Variants in SLC9A7 observed in about 807,000 individuals in gnomAD.
SLC9A7 encodes sodium/hydrogen exchanger 7.
Under a neutral mutation model 52.6 loss-of-function variants are expected in SLC9A7, and 19 were observed. The ratio of observed to expected loss-of-function variants is 0.36; its 90% CI spans 0.25 to 0.53. The LOEUF (loss-of-function observed/expected upper bound fraction) is 0.53, where lower values mean the gene tolerates loss of function less well. SLC9A7 is among the 20% of genes least tolerant of loss of function. SLC9A7 has a pLI of 0.91. For missense variants in SLC9A7, 455 were observed against 597.9 expected (o/e 0.76, Z 2.49); for synonymous variants, 226 against 252.1 (o/e 0.90, Z 0.98).
intron 1 of SLC9A7, 130 bp from the exon 2 acceptor site, chrX:46,682,665 T>C: frequency 1.7e-6 from 1 of 575,538 alleles, no homozygotes; most frequent in Non-Finnish European, 2.8e-6. Flanking sequence ...GGGTATGTAT[T>C]TTAGGAGAAA....
intron 11 of SLC9A7, among the ~76,000 whole-genome samples, chrX:46,645,775 C>T (rs1330957486): frequency 1.8e-5 from 2 of 111,027 alleles, no homozygotes; most frequent in East Asian, 2.8e-4. Context: ...CACACTTGGA[C>T]GTGATCAAGA....
rs573947599 is a variant in SLC9A7, at chrX:46,751,952, T to C, written c.325+6753A>G. Among the ~76,000 whole-genome samples the C allele has an allele frequency of 2.0e-4, 22 of 112,314 alleles. No homozygotes were observed. The South Asian group carries it at 7.7e-3, about 39-fold the overall frequency. ...GACAGGATGTGTACAGCCTCACCTGTACAATCTTCCAGGCAGGGAAGTTAA... is the reference window on the plus strand; with the variant it reads ...GACAGGATGTGTACAGCCTCACCTGCACAATCTTCCAGGCAGGGAAGTTAA... On this transcript the variant is annotated intron_variant, in intron 1 of 16. Transcript: ENST00000616978.
chrX:46,635,226 T>G (rs952033452), intron 13 of SLC9A7, among the ~76,000 whole-genome samples: 2 of 111,949 alleles, frequency 1.8e-5, no homozygotes, highest in African/African-American at 6.5e-5. Flanking sequence ...ATTAAGAGCC[T>G]TATTTACTAG....
chrX:46,676,815 T>C (rs1173407264), intron 3 of SLC9A7, among the ~76,000 whole-genome samples: 1 of 111,239 alleles, frequency 9.0e-6, no homozygotes, highest in African/African-American at 3.3e-5. Context: ...GAAAACAATA[T>C]AGTCTTTTTT....
intron 7 of SLC9A7, among the ~76,000 whole-genome samples, chrX:46,661,523 G>C (rs147567106): frequency 8.9e-6 from 1 of 111,790 alleles, no homozygotes; most frequent in Non-Finnish European, 1.9e-5. Context: ...CTGTGGAAGG[G>C]ATGCCTGCTC....
intron 1 of SLC9A7, among the ~76,000 whole-genome samples, chrX:46,722,061 A>C (rs1243351188): frequency 9.0e-6 from 1 of 111,157 alleles, no homozygotes; most frequent in African/African-American, 3.3e-5. Context: ...CTAAAAAAAC[A>C]CTGTTTCTCT....
chrX:46,612,924 CAAAAAAAAAAAAAAAAAAAAAA>C (rs57833520), intron 16 of SLC9A7, among the ~76,000 whole-genome samples: 8 of 32,487 alleles, frequency 2.5e-4, no homozygotes, highest in East Asian at 1.2e-3. Context: ...GACTCCGTCT[CAAAAAAAAAAAAAAAAAAAAAA>C]AAAAAAAAAA....
intron 1 of SLC9A7, among the ~76,000 whole-genome samples, chrX:46,694,080 C>A (rs1228274815): frequency 9.1e-6 from 1 of 110,373 alleles, no homozygotes; most frequent in African/African-American, 3.3e-5. Flanking sequence ...TGAAAAACTA[C>A]CTATTGTGTA....
intron 1 of SLC9A7, among the ~76,000 whole-genome samples, chrX:46,738,721 G>A (rs1199253631): frequency 9.2e-6 from 1 of 108,268 alleles, no homozygotes; most frequent in Non-Finnish European, 1.9e-5. Context: ...AATGAGCTGA[G>A]ATCATGCCAC....
At chrX:46,755,430 C>T (rs1277109761) in intron 1 of SLC9A7, among the ~76,000 whole-genome samples, 1 of 110,953 alleles carries the variant, frequency 9.0e-6, no homozygotes, top group African/African-American at 3.3e-5. Context: ...CAGAAAAGCT[C>T]CAAGGGCACA....
chrX:46,697,857 C>A (rs1049359068), intron 1 of SLC9A7, among the ~76,000 whole-genome samples: 2 of 112,040 alleles, frequency 1.8e-5, no homozygotes, highest in Admixed American at 1.9e-4. Flanking sequence ...TCGCTGAATT[C>A]TTTTTCTCAG....
intron 1 of SLC9A7, among the ~76,000 whole-genome samples, chrX:46,687,173 C>A (rs1223994941): frequency 8.9e-6 from 1 of 112,032 alleles, no homozygotes; most frequent in African/African-American, 3.2e-5. Context: ...AGGTTTAATT[C>A]TAGACAGCCA....
At chrX:46,630,495 T>C (rs941625798) in intron 14 of SLC9A7, among the ~76,000 whole-genome samples, 1 of 112,435 alleles carries the variant, frequency 8.9e-6, no homozygotes, top group East Asian at 2.8e-4. Context: ...TGCTCAGCAC[T>C]GGGCATTCAA....
At chrX:46,696,105 C>G (rs893045022) in intron 1 of SLC9A7, among the ~76,000 whole-genome samples, 3 of 110,271 alleles carry the variant, frequency 2.7e-5, no homozygotes, top group African/African-American at 9.9e-5. Context: ...CCTGCCTCAG[C>G]CTCCTGAGTA....
Position 46,637,285 on chromosome X carries a change from C to T in SLC9A7, c.1617-1637G>A, listed in dbSNP as rs147263595. Among the ~76,000 whole-genome samples the T allele has an allele frequency of 7.6e-3, 854 of 111,893 alleles. 19 individuals carry two copies. The South Asian group carries it at 0.12, about 15-fold the overall frequency. ...AGCCAAGATTCCAACTCAAGCTGCT[C>T]GTCTCCAGAGCCTCAGCTCTTCCTC... On this transcript the variant is annotated intron_variant, in intron 12 of 16. Transcript: ENST00000616978.
At chrX:46,746,715 T>C (rs183611044) in intron 1 of SLC9A7, among the ~76,000 whole-genome samples, 12 of 112,247 alleles carry the variant, frequency 1.1e-4, no homozygotes, top group African/African-American at 3.9e-4. Context: ...ATACAATCAC[T>C]ATGGAGAACA....
intron 1 of SLC9A7, among the ~76,000 whole-genome samples, chrX:46,688,249 A>T (rs1312859688): frequency 1.8e-5 from 2 of 111,921 alleles, no homozygotes; most frequent in African/African-American, 6.5e-5. Context: ...AGAAACTGCC[A>T]AACTACATTG....
At position 46,740,342 on chromosome X, in the gene SLC9A7, A is replaced by G. The variant is rs1412409241; in HGVS notation, c.325+18363T>C. ...AAGGATGCCCACTTTCGCCATTCCT[A>G]TTCAACATTGTACTGAAATTCCTGA... On this transcript the variant is annotated intron_variant, in intron 1 of 16. Coordinates refer to ENST00000616978, the MANE Select transcript of SLC9A7 (RefSeq NM_001257291.2). Among the ~76,000 whole-genome samples, 3 of 111,700 alleles carry G rather than the reference A, an allele frequency of 2.7e-5. No homozygotes were observed. The East Asian group carries it at 8.4e-4, about 31-fold the overall frequency.
In SLC9A7 at chrX:46,701,750, G is replaced by T. The variant is rs114639764; in HGVS notation, c.326-19215C>A. ...CTGGTAATTTTCTGTTCCTCAAGCC[G>T]GGCAGTGAGTATGGACATGCTTATT... On this transcript the variant is annotated intron_variant, in intron 1 of 16. Transcript: ENST00000616978. Among the ~76,000 whole-genome samples the T allele has an allele frequency of 5.8e-3, 643 of 111,362 alleles. 4 individuals are homozygous for T. Among genetic ancestry groups the T allele is most frequent in the African/African-American group, 0.02 (616 of 30,648 alleles).
Sources: allele counts gnomAD v4.1 joint callset (sites outside exome capture counted in the v4.1 genomes callset), GRCh38; gene constraint gnomAD v4.1.1; transcripts MANE v1.5; gene names NCBI Gene and HGNC (gene_info 2026-07-23, HGNC 2026-07-21).